The following TRAPPC9 variants were observed in gnomAD, a reference collection of about 807,000 sequenced individuals.
TRAPPC9 encodes trafficking protein particle complex subunit 9.
TRAPPC9 carries 83 observed loss-of-function variants against 124.0 expected under a neutral mutation model. The ratio of observed to expected loss-of-function variants is 0.67; its 90% CI spans 0.56 to 0.80. TRAPPC9 has a LOEUF of 0.80. Among genes scored for constraint, TRAPPC9 ranks in the 30% least tolerant of loss-of-function variants. TRAPPC9 has a pLI of 0.00. For synonymous variants in TRAPPC9, 638 were observed against 617.5 expected (o/e 1.03, Z -0.49); for missense variants, 1,302 against 1,508.3 (o/e 0.86, Z 2.27).
chr8:140,076,871 TA>T (rs1843539176), intron 17 of TRAPPC9, among the ~76,000 whole-genome samples: 2 of 152,238 alleles, frequency 1.3e-5, no homozygotes, highest in East Asian at 3.9e-4. Flanking sequence ...ATAGAAAACA[TA>T]ACCACAAAAT....
At chr8:140,152,235 T>TAAAAAAAAAA (rs71320343) in intron 17 of TRAPPC9, among the ~76,000 whole-genome samples, 15 of 106,694 alleles carry the variant, frequency 1.4e-4, no homozygotes, top group African/African-American at 5.1e-4. Context: ...ACTTAAGCTT[T>TAAAAAAAAAA]AAAAAAAAAA....
intron 21 of TRAPPC9, among the ~76,000 whole-genome samples, chr8:139,796,393 C>A (rs1823099002): frequency 6.6e-6 from 1 of 152,176 alleles, no homozygotes; most frequent in African/African-American, 2.4e-5. Context: ...AGACCCTGAT[C>A]CAATGATGCA....
At chr8:139,864,218 G>A (rs1333288673) in intron 21 of TRAPPC9, among the ~76,000 whole-genome samples, 1 of 152,200 alleles carries the variant, frequency 6.6e-6, no homozygotes, top group Non-Finnish European at 1.5e-5. Flanking sequence ...GTAAGTCCCA[G>A]CTGATCCACG....
chr8:139,826,087 G>C (rs539762940), intron 21 of TRAPPC9, among the ~76,000 whole-genome samples: 1 of 152,328 alleles, frequency 6.6e-6, no homozygotes, highest in East Asian at 1.9e-4. Flanking sequence ...TCTGAAGTAG[G>C]GGAGGGCACA....
chr8:139,961,691 T>C lies in TRAPPC9; in HGVS notation c.2810+27035A>G, dbSNP rs951295490. 4.1e-3 allele frequency among the ~76,000 whole-genome samples: 510 copies of C among 123,494 alleles called. 59 individuals carry two copies. The highest frequency in any genetic ancestry group is 0.012 in the African/African-American group (456 of 39,212). The allele number at this position is 123,494 out of a possible 152,430, so 81.0% of individuals were successfully genotyped here. ...CCTCATCCCTGCAGGCTCAGGGGTG[T>C]CTGCTCCCACTGCCTGGCCTCTCTC... On this transcript the variant is annotated intron_variant, in intron 19 of 22. Coordinates refer to ENST00000438773, the MANE Select transcript of TRAPPC9 (RefSeq NM_001160372.4).
intron 10 of TRAPPC9, among the ~76,000 whole-genome samples, chr8:140,302,476 T>C (rs1215334061): frequency 6.6e-6 from 1 of 152,208 alleles, no homozygotes; most frequent in Non-Finnish European, 1.5e-5. Flanking sequence ...CCTATGAAGC[T>C]GCCAACAGCA....
intron 17 of TRAPPC9, among the ~76,000 whole-genome samples, chr8:140,033,106 A>G (rs1428439866): frequency 1.3e-5 from 2 of 152,094 alleles, no homozygotes; most frequent in East Asian, 3.9e-4. Context: ...GAGGTTTTCT[A>G]CACTAAGGAG....
intron 2 of TRAPPC9, among the ~76,000 whole-genome samples, chr8:140,439,528 A>C (rs1256516658): frequency 2.0e-5 from 3 of 152,176 alleles, no homozygotes; most frequent in Non-Finnish European, 4.4e-5. Context: ...TCAGCTTTTT[A>C]AAAAAATCAA....
intron 19 of TRAPPC9, among the ~76,000 whole-genome samples, chr8:139,935,905 C>T (rs1055325228): frequency 6.6e-6 from 1 of 152,200 alleles, no homozygotes; most frequent in African/African-American, 2.4e-5. Context: ...CACTAGTCAC[C>T]CAAAGGGATG....
chr8:139,880,708 A>G (rs1716334882), intron 21 of TRAPPC9, among the ~76,000 whole-genome samples: 1 of 152,226 alleles, frequency 6.6e-6, no homozygotes, highest in Non-Finnish European at 1.5e-5. Flanking sequence ...TTAACTAGAA[A>G]ACTTGTCTAG....
At chr8:140,278,720 T>A (rs1351226521) in intron 14 of TRAPPC9, among the ~76,000 whole-genome samples, 1 of 152,156 alleles carries the variant, frequency 6.6e-6, no homozygotes, top group Non-Finnish European at 1.5e-5. Context: ...ACCTCTGCCC[T>A]CATCACTGTC....
intron 16 of TRAPPC9, among the ~76,000 whole-genome samples, chr8:140,228,483 G>C (rs1182651393): frequency 6.6e-6 from 1 of 152,166 alleles, no homozygotes; most frequent in Non-Finnish European, 1.5e-5. Flanking sequence ...ATATGCTTAG[G>C]AAAGAAAAAA....
At chr8:139,786,170 C>T (rs1361745245) in intron 21 of TRAPPC9, among the ~76,000 whole-genome samples, 4 of 151,486 alleles carry the variant, frequency 2.6e-5, no homozygotes, top group East Asian at 2.0e-4. Context: ...ATCGCGCCAC[C>T]GCACTCCAGC....
At chr8:140,145,301 T>C (rs1290809989) in intron 17 of TRAPPC9, among the ~76,000 whole-genome samples, 5 of 151,960 alleles carry the variant, frequency 3.3e-5, no homozygotes, top group Admixed American at 2.0e-4. Flanking sequence ...TTTTTCCCTA[T>C]TGCAGTAGCT....
intron 19 of TRAPPC9, among the ~76,000 whole-genome samples, chr8:139,958,878 A>AGAGCACTGCATTCCGAGTCACACAGGG (rs1563952278): frequency 7.3e-6 from 1 of 136,876 alleles, no homozygotes; most frequent in African/African-American, 2.6e-5. Context: ...AGCCTGACAC[A>AGAGCACTGCATTCCGAGTCACACAGGG]GAGCACTGCA....
chr8:139,937,103 C>T (rs1411986478), intron 19 of TRAPPC9, among the ~76,000 whole-genome samples: 1 of 151,782 alleles, frequency 6.6e-6, no homozygotes, highest in Non-Finnish European at 1.5e-5. Flanking sequence ...GGACTTCAGG[C>T]TGGAGGGGAG....
At chr8:139,737,469 C>CCCCA (rs1554633760) in intron 21 of TRAPPC9, among the ~76,000 whole-genome samples, 3 of 111,280 alleles carry the variant, frequency 2.7e-5, no homozygotes, top group East Asian at 7.4e-4. Flanking sequence ...TCAGCCCTCC[C>CCCCA]CCCCCCCCCA....
At chr8:140,409,617 G>C (rs1176103607) in intron 5 of TRAPPC9, among the ~76,000 whole-genome samples, 3 of 152,128 alleles carry the variant, frequency 2.0e-5, no homozygotes, top group Non-Finnish European at 4.4e-5. Context: ...GTGCCACGCA[G>C]CTGTGAAAGT....
intron 21 of TRAPPC9, among the ~76,000 whole-genome samples, chr8:139,830,217 C>A (rs972416709): frequency 2.0e-5 from 3 of 152,008 alleles, no homozygotes; most frequent in Non-Finnish European, 4.4e-5. Flanking sequence ...TGCATACACA[C>A]ACAAATGAGC....
Sources: allele counts gnomAD v4.1 joint callset (sites outside exome capture counted in the v4.1 genomes callset), GRCh38; gene constraint gnomAD v4.1.1; transcripts MANE v1.5; gene names NCBI Gene and HGNC (gene_info 2026-07-23, HGNC 2026-07-21).